The following AOAH variants were observed in gnomAD, a reference collection of about 807,000 sequenced individuals.
AOAH encodes the protein acyloxyacyl hydrolase, also known as acyloxyacyl hydrolase (neutrophil).
AOAH carries 64 observed loss-of-function variants against 92.2 expected under a neutral mutation model. The observed-to-expected ratio is 0.69, with a 90% CI of 0.57 to 0.86. The LOEUF (loss-of-function observed/expected upper bound fraction) is 0.86, where lower values mean the gene tolerates loss of function less well. Ranked by LOEUF, AOAH falls within the 40% of genes least tolerant of loss-of-function variation. The probability of loss-of-function intolerance (pLI) is 0.00; values close to 1 mark genes in which losing one functional copy is unlikely to be tolerated. For missense variants in AOAH, 656 were observed against 694.6 expected, an observed-to-expected ratio of 0.94 and a Z score of 0.62; for synonymous variants, 263 against 254.5, an observed-to-expected ratio of 1.03 and a Z score of -0.32.
At chr7:36,534,899 T>G (rs1393052568) in intron 16 of AOAH, among the ~76,000 whole-genome samples, 1 of 152,028 alleles carries the variant, frequency 6.6e-6, no homozygotes, top group Non-Finnish European at 1.5e-5. Flanking sequence ...TGTGTCTTCG[T>G]GTGTGTCTGT....
chr7:36,657,873 T>A (rs1431817201), intron 4 of AOAH, among the ~76,000 whole-genome samples: 1 of 152,182 alleles, frequency 6.6e-6, no homozygotes, highest in African/African-American at 2.4e-5. Flanking sequence ...AAAGTTGAAC[T>A]TTTTGCGACT....
chr7:36,626,273 G>A (rs561753697), intron 6 of AOAH, among the ~76,000 whole-genome samples: 3 of 152,190 alleles, frequency 2.0e-5, no homozygotes, highest in South Asian at 4.1e-4. Context: ...GAAAGGTCCC[G>A]TTTGGGCATG....
intron 4 of AOAH, among the ~76,000 whole-genome samples, chr7:36,645,076 G>C (rs1794140845): frequency 6.6e-6 from 1 of 152,168 alleles, no homozygotes; most frequent in Admixed American, 6.5e-5. Flanking sequence ...ATTGCCCACT[G>C]GAGGAGGGAA....
chr7:36,527,386 G>C (rs1354590377), intron 19 of AOAH, among the ~76,000 whole-genome samples: 2 of 152,104 alleles, frequency 1.3e-5, no homozygotes, highest in African/African-American at 2.4e-5. Flanking sequence ...GATTTTCATG[G>C]GACTATCAGG....
intron 13 of AOAH, among the ~76,000 whole-genome samples, chr7:36,555,396 A>G (rs1464093783): frequency 6.6e-6 from 1 of 152,130 alleles, no homozygotes; most frequent in Non-Finnish European, 1.5e-5. Context: ...CCAGTATTTT[A>G]TTGAGGATTT....
chr7:36,601,467 C>T (rs1380742489), intron 11 of AOAH, among the ~76,000 whole-genome samples: 1 of 152,160 alleles, frequency 6.6e-6, no homozygotes, highest in African/African-American at 2.4e-5. Context: ...GCTCCTTCTT[C>T]ATGGGACTCA....
At chr7:36,524,474 G>A (rs927211182) in intron 19 of AOAH, among the ~76,000 whole-genome samples, 14 of 146,848 alleles carry the variant, frequency 9.5e-5, no homozygotes, top group East Asian at 6.1e-4. Context: ...GTGAAACCCC[G>A]TCTCTACTAA....
chr7:36,686,632 C>T (rs1797023745), intron 2 of AOAH, 67 bp downstream of exon 2: 4 of 821,504 alleles, frequency 4.9e-6, no homozygotes, highest in Non-Finnish European at 7.1e-6. Context: ...GAAGTAAAGG[C>T]AGTCATCATG....
At chr7:36,628,825 G>A (rs763646395) in intron 6 of AOAH, among the ~76,000 whole-genome samples, 10 of 152,198 alleles carry the variant, frequency 6.6e-5, no homozygotes, top group Non-Finnish European at 1.0e-4. Context: ...TCTCTACCAC[G>A]TGAGGACTCC....
At chr7:36,705,371 C>A (rs1425408930) in intron 1 of AOAH, among the ~76,000 whole-genome samples, 1 of 152,148 alleles carries the variant, frequency 6.6e-6, no homozygotes, top group Non-Finnish European at 1.5e-5. Context: ...CATGAGCAAA[C>A]TTCCATTCAC....
chr7:36,671,590 T>C (rs1795928156), intron 3 of AOAH, among the ~76,000 whole-genome samples: 1 of 150,862 alleles, frequency 6.6e-6, no homozygotes, highest in South Asian at 2.1e-4. Flanking sequence ...AGTGTGCATG[T>C]GCTCATGCGT....
In AOAH at chr7:36,675,875, TA is replaced by T. The variant is rs200347370; in HGVS notation, c.224-1867del. ...ATGTATTACTCCCATATCAACAACA[TA>T]AAAAAAACCATATGATTATCCAATA... On this transcript the variant is annotated intron_variant, in intron 2 of 20. Transcript: ENST00000617537. 3.6e-3 allele frequency among the ~76,000 whole-genome samples: 544 copies of T among 151,848 alleles called. 4 individuals carry two copies. The highest frequency in any genetic ancestry group is 0.012 in the African/African-American group (510 of 41,402).
At chr7:36,599,849 T>G (rs1391016293) in intron 11 of AOAH, 1 of 152,644 alleles carries the variant, frequency 6.6e-6, no homozygotes, top group Non-Finnish European at 1.5e-5. Context: ...GCTTTCTGCC[T>G]CTCAGTCCCA....
chr7:36,623,122 A>T, intron 7 of AOAH, 68 bp downstream of exon 7: 1 of 1,298,708 alleles, frequency 7.7e-7, no homozygotes, highest in Non-Finnish European at 1.1e-6. Flanking sequence ...TTGTCTTATT[A>T]AAGGAAAGAA....
chr7:36,685,169 G>A (rs976882735), intron 2 of AOAH, among the ~76,000 whole-genome samples: 6 of 152,018 alleles, frequency 3.9e-5, no homozygotes, highest in Admixed American at 6.6e-5. Flanking sequence ...CAGACTGTGG[G>A]AAACTCTACA....
rs1240183888 is a variant in AOAH at position 36,517,200 on chromosome 7, TTCTTTCTTTCTTTC to T, written c.1600-3834_1600-3821del. Among the ~76,000 whole-genome samples, 51 of 70,232 alleles carry T rather than the reference TTCTTTCTTTCTTTC, an allele frequency of 7.3e-4. 2 individuals carry two copies. Among genetic ancestry groups the T allele is most frequent in the African/African-American group, 2.5e-3 (50 of 19,756 alleles). The allele number at this position is 70,232 out of a possible 152,430, so 46.1% of individuals were successfully genotyped here. On this transcript the variant is annotated intron_variant, in intron 20 of 20. Transcript: ENST00000617537. ...TTTCTTTCTTTCTTTCTTTCTTTCT[TTCTTTCTTTCTTTC>T]TCTTTCTTTCTGTCTCTCTCTCTCT...
intron 14 of AOAH, among the ~76,000 whole-genome samples, chr7:36,549,102 A>G (rs1448859823): frequency 6.6e-6 from 1 of 152,230 alleles, no homozygotes; most frequent in Non-Finnish European, 1.5e-5. Context: ...TGAGGCTTCC[A>G]GTCAGGACAC....
chr7:36,520,241 G>A (rs1010852229), intron 20 of AOAH, among the ~76,000 whole-genome samples: 1 of 152,220 alleles, frequency 6.6e-6, no homozygotes, highest in Non-Finnish European at 1.5e-5. Flanking sequence ...TTTGATAGAT[G>A]GGATAAATAT....
intron 5 of AOAH, among the ~76,000 whole-genome samples, chr7:36,633,359 G>A (rs1334624476): frequency 1.3e-5 from 2 of 152,190 alleles, no homozygotes; most frequent in African/African-American, 4.8e-5. Context: ...GTCACTCAAC[G>A]TGTGATCACA....
Sources: gnomAD v4.1 joint callset for allele counts (sites outside exome capture counted in the v4.1 genomes callset) on GRCh38, gnomAD v4.1.1 for gene constraint, MANE v1.5 for transcripts, NCBI Gene and HGNC (gene_info 2026-07-23, HGNC 2026-07-21) for gene names.